Variants in UTRN observed in about 807,000 individuals in gnomAD.
UTRN encodes dystrophin-related protein 1.
Under a neutral mutation model 463.9 loss-of-function variants are expected in UTRN, and 283 were observed. That is an observed-to-expected ratio of 0.61 (90% CI 0.55 to 0.67). The LOEUF (loss-of-function observed/expected upper bound fraction) is 0.67, where lower values mean the gene tolerates loss of function less well. Among genes scored for constraint, UTRN ranks in the 30% least tolerant of loss-of-function variants. UTRN has a pLI of 0.00. For missense variants in UTRN, 3,922 were observed against 4,084.3 expected, an observed-to-expected ratio of 0.96 and a Z score of 1.08; for synonymous variants, 1,442 against 1,431.5, an observed-to-expected ratio of 1.01 and a Z score of -0.17.
intron 38 of UTRN, 140 bp downstream of exon 38, chr6:144,516,527 A>G (rs1222380003): frequency 1.8e-5 from 18 of 1,012,520 alleles, no homozygotes; most frequent in East Asian, 2.6e-5. Flanking sequence ...ATGTGTGTCA[A>G]TGTAAGAGTC....
intron 73 of UTRN, among the ~76,000 whole-genome samples, chr6:144,843,656 C>A (rs930340445): frequency 6.6e-6 from 1 of 152,162 alleles, no homozygotes; most frequent in African/African-American, 2.4e-5. Flanking sequence ...ATCCTCTCCC[C>A]TGCATTGGTC....
intron 2 of UTRN, among the ~76,000 whole-genome samples, chr6:144,335,199 T>A (rs1463694227): frequency 6.6e-6 from 1 of 152,242 alleles, no homozygotes; most frequent in East Asian, 1.9e-4. Flanking sequence ...AAGTGAAGTT[T>A]AATGTGAAAT....
chr6:144,659,965 G>A, intron 51 of UTRN: 1 of 293,696 alleles, frequency 3.4e-6, no homozygotes, highest in South Asian at 3.3e-5. Context: ...GTGGAACACA[G>A]CTACCAGGAA....
At chr6:144,461,434 A>T (rs929118624) in intron 22 of UTRN, 92 bp downstream of exon 22, 72 of 1,321,012 alleles carry the variant, frequency 5.5e-5, no homozygotes, top group Admixed American at 1.1e-4. Flanking sequence ...TTAAAAAAAA[A>T]GTTGGTCAGT....
rs934161871 is a variant in UTRN, at chr6:144,306,028, G to A, written c.79+14121G>A. ...CCAATTTCTAGGAGCAGTATTCACC[G>A]AACTACTTCCCTGACACATACATAC... is the stretch of plus-strand genomic sequence containing the variant. On this transcript the variant is annotated intron_variant, in intron 2 of 74. Coordinates refer to ENST00000367545, the MANE Select transcript of UTRN (RefSeq NM_007124.3). Among the ~76,000 whole-genome samples the A allele has an allele frequency of 2.6e-5, 4 of 152,084 alleles. No individual in the cohort carries two copies. The East Asian group carries it at 7.7e-4, about 29-fold the overall frequency.
chr6:144,300,107 G>A (rs1028094956), intron 2 of UTRN, among the ~76,000 whole-genome samples: 13 of 145,440 alleles, frequency 8.9e-5, no homozygotes, highest in African/African-American at 2.3e-4. Context: ...TTTTTGAGCC[G>A]TAGTCTTCCT....
chr6:144,734,790 G>C (rs1168456579), intron 54 of UTRN, among the ~76,000 whole-genome samples: 2 of 152,178 alleles, frequency 1.3e-5, no homozygotes, highest in Admixed American at 1.3e-4. Context: ...CACAATAGCT[G>C]TAAGGACCAT....
Position 144,426,372 on chromosome 6 carries a change from C to T in UTRN, c.491C>T (p.Thr164Ile), listed in dbSNP as rs140612467. 2.5e-6 allele frequency: 4 copies of T among 1,614,154 alleles called. No individual in the cohort carries two copies. The highest frequency in any genetic ancestry group is 4.5e-5 in the East Asian group (2 of 44,888). Residue 164 changes from threonine (T) to isoleucine (I), a missense_variant, in exon 7 of 75, where the codon ACC (threonine) becomes ATC (isoleucine). Around this residue, in one of 3 missense-constraint regions of UTRN, gnomAD observed 264 missense variants for 327.9 expected, o/e 0.81. Coordinates refer to ENST00000367545, the MANE Select transcript of UTRN (RefSeq NM_007124.3). ...CTGCTCAGCTGGGTGCGTCAGACCA[C>T]CAGGCCCTACAGCCAAGTCAACGTC... The part of the protein sequence containing the change: ...KILLSWVRQT[T>I]RPYSQVNVLN...
chr6:144,608,805 C>G (rs538033697), intron 51 of UTRN, among the ~76,000 whole-genome samples: 16 of 152,202 alleles, frequency 1.1e-4, no homozygotes, highest in African/African-American at 3.4e-4. Context: ...TTGCTGGCTG[C>G]AATTTGTTTG....
chr6:144,414,088 A>G (rs1026659693), intron 3 of UTRN, among the ~76,000 whole-genome samples: 1 of 151,954 alleles, frequency 6.6e-6, no homozygotes, highest in South Asian at 2.1e-4. Context: ...GGTGTGAGCC[A>G]CTGTGTCTGG....
At chr6:144,446,506 A>G (rs542419996) in intron 14 of UTRN, among the ~76,000 whole-genome samples, 1 of 152,378 alleles carries the variant, frequency 6.6e-6, no homozygotes, top group African/African-American at 2.4e-5. Flanking sequence ...TCCACCCTAA[A>G]TGCTACATTT....
At chr6:144,833,839 G>GTGT (rs1562964667) in intron 69 of UTRN, among the ~76,000 whole-genome samples, 1 of 152,142 alleles carries the variant, frequency 6.6e-6, no homozygotes, top group Non-Finnish European at 1.5e-5. Context: ...TAGGTTTAGG[G>GTGT]TGTTGGCCAT....
At chr6:144,633,524 G>A (rs1007844858) in intron 51 of UTRN, among the ~76,000 whole-genome samples, 1 of 152,198 alleles carries the variant, frequency 6.6e-6, no homozygotes, top group Admixed American at 6.5e-5. Flanking sequence ...GAGCCACCGC[G>A]CCCGGCCTGC....
At chr6:144,789,701 CT>C (rs921833837) in intron 62 of UTRN, among the ~76,000 whole-genome samples, 2 of 152,044 alleles carry the variant, frequency 1.3e-5, no homozygotes, top group South Asian at 2.1e-4. Flanking sequence ...AAAGCCTAAA[CT>C]TTTTTTTATT....
chr6:144,514,900 A>G, intron 37 of UTRN, 80 bp downstream of exon 37: 1 of 1,381,094 alleles, frequency 7.2e-7, no homozygotes, highest in African/African-American at 1.5e-5. Flanking sequence ...ACATACATCA[A>G]CAATTTTGTT....
rs1798855936 is a variant in UTRN at position 144,550,969 on chromosome 6, C to T, written c.6815C>T (p.Thr2272Ile). ...INKTVSRMKI[T>I]KADLEQRHPQ... ...ATAATCATTTCTACTTAACAGATTA[C>T]AAAGGCTGACTTAGAACAGCGCCAT... Residue 2272 changes from threonine (T) to isoleucine (I), a missense_variant, in exon 48 of 75, where the codon ACA becomes ATA. Physicochemically the swap from Thr to Ile is moderately conservative, Grantham distance 89. Coordinates refer to ENST00000367545, the MANE Select transcript of UTRN (RefSeq NM_007124.3). 6.3e-7 allele frequency: 1 copy of T among 1,593,878 alleles called. No individual in the cohort carries two copies. Among genetic ancestry groups the T allele is most frequent in the Non-Finnish European group, 8.5e-7 (1 of 1,174,518 alleles).
At chr6:144,731,459 A>T (rs1788507360) in intron 54 of UTRN, among the ~76,000 whole-genome samples, 1 of 152,248 alleles carries the variant, frequency 6.6e-6, no homozygotes, top group African/African-American at 2.4e-5. Context: ...AGATTGCCTC[A>T]TGCTGTGTCC....
At chr6:144,423,664 C>T (rs754148547) in intron 5 of UTRN, 38 bp downstream of exon 5, 10 of 1,603,510 alleles carry the variant, frequency 6.2e-6, no homozygotes, top group Non-Finnish European at 8.5e-6. Flanking sequence ...TCTGTGCTGC[C>T]ATCAGCATTA....
At chr6:144,401,516 G>T (rs1180898968) in intron 2 of UTRN, among the ~76,000 whole-genome samples, 1 of 152,122 alleles carries the variant, frequency 6.6e-6, no homozygotes, top group Non-Finnish European at 1.5e-5. Flanking sequence ...AATAGGGATC[G>T]TTGCTGTCTT....
Sources: allele counts gnomAD v4.1 joint callset (sites outside exome capture counted in the v4.1 genomes callset), GRCh38; gene constraint gnomAD v4.1.1; regional missense constraint gnomAD v4.1.1; transcripts MANE v1.5; gene names NCBI Gene and HGNC (gene_info 2026-07-23, HGNC 2026-07-21).